Variants in LRRC4C observed in about 807,000 individuals in gnomAD.
LRRC4C encodes the protein leucine-rich repeat-containing protein 4C.
In LRRC4C, 5 loss-of-function variants were observed where a neutral mutation model predicts 33.6. The observed-to-expected ratio is 0.15, with a 90% CI of 0.08 to 0.31. The LOEUF is 0.31. Among genes scored for constraint, LRRC4C ranks in the 10% least tolerant of loss-of-function variants. The probability of loss-of-function intolerance (pLI) is 1.00; values close to 1 mark genes in which losing one functional copy is unlikely to be tolerated. For synonymous variants in LRRC4C, 329 were observed against 302.0 expected (o/e 1.09, Z -0.93); for missense variants, 560 against 796.7 (o/e 0.70, Z 3.58).
chr11:41,394,403 C>T (rs772260752), intron 1 of LRRC4C, among the ~76,000 whole-genome samples: 16 of 151,930 alleles, frequency 1.1e-4, no homozygotes, highest in Non-Finnish European at 1.5e-4. Flanking sequence ...TTTTCAGATG[C>T]GCCTCCCTGC....
chr11:40,263,594 A>G (rs994201519), intron 4 of LRRC4C, among the ~76,000 whole-genome samples: 1 of 152,004 alleles, frequency 6.6e-6, no homozygotes, highest in Admixed American at 6.6e-5. Context: ...GGCTCAAGAG[A>G]TCCTCCCATC....
At chr11:40,881,355 C>T (rs1444755656) in intron 2 of LRRC4C, among the ~76,000 whole-genome samples, 1 of 152,084 alleles carries the variant, frequency 6.6e-6, no homozygotes, top group East Asian at 1.9e-4. Context: ...ACATGTCTTA[C>T]TCATTTCTGA....
intron 3 of LRRC4C, among the ~76,000 whole-genome samples, chr11:40,590,231 T>C (rs1449592372): frequency 6.6e-6 from 1 of 151,930 alleles, no homozygotes; most frequent in Non-Finnish European, 1.5e-5. Context: ...CTTCATTTCA[T>C]CTTCCATTGC....
At position 40,470,735 on chromosome 11, in the gene LRRC4C, C is replaced by T. The variant is rs191078664; in HGVS notation, c.-269-151014G>A. On this transcript the variant is annotated intron_variant, in intron 3 of 6. Transcript: ENST00000528697. Reference sequence around the variant, plus strand: ...AATACAGCACGAGACCTTTGTGAAGCATACAAAAATATGAACAGCCAAATC... The same window carrying T: ...AATACAGCACGAGACCTTTGTGAAGTATACAAAAATATGAACAGCCAAATC... 2.3e-3 allele frequency among the ~76,000 whole-genome samples: 350 copies of T among 152,058 alleles called. 1 individual carries two copies. Among genetic ancestry groups the T allele is most frequent in the African/African-American group, 7.7e-3 (318 of 41,476 alleles).
intron 3 of LRRC4C, among the ~76,000 whole-genome samples, chr11:40,629,151 TATAAG>T (rs1392620859): frequency 3.9e-5 from 6 of 152,322 alleles, no homozygotes; most frequent in African/African-American, 1.2e-4. Flanking sequence ...AATTGGCTCT[TATAAG>T]ATAGTATAAA....
At chr11:40,837,745 G>A (rs1268958987) in intron 2 of LRRC4C, among the ~76,000 whole-genome samples, 1 of 151,568 alleles carries the variant, frequency 6.6e-6, no homozygotes, top group African/African-American at 2.4e-5. Flanking sequence ...AGCTACTGGT[G>A]AGGCTGAAGA....
chr11:41,073,473 A>T (rs1002755382), intron 1 of LRRC4C, among the ~76,000 whole-genome samples: 1 of 152,142 alleles, frequency 6.6e-6, no homozygotes, highest in African/African-American at 2.4e-5. Context: ...AGACCACCAC[A>T]CTGGGGATTA....
intron 2 of LRRC4C, among the ~76,000 whole-genome samples, chr11:40,665,076 A>C (rs115162357): frequency 1.3e-5 from 2 of 151,476 alleles, no homozygotes; most frequent in African/African-American, 4.9e-5. Flanking sequence ...TTTGTCAAGG[A>C]TGACAATTTA....
chr11:40,794,888 G>A (rs1950764401), intron 2 of LRRC4C, among the ~76,000 whole-genome samples: 1 of 152,170 alleles, frequency 6.6e-6, no homozygotes, highest in South Asian at 2.1e-4. Flanking sequence ...TAGGATCAAG[G>A]TTTGGGCAGG....
At chr11:40,602,884 C>G (rs564787041) in intron 3 of LRRC4C, among the ~76,000 whole-genome samples, 1 of 152,162 alleles carries the variant, frequency 6.6e-6, no homozygotes, top group Non-Finnish European at 1.5e-5. Context: ...TTATTTTGGT[C>G]ATTGGCCCAA....
chr11:41,022,428 T>A (rs1028354467), intron 1 of LRRC4C, among the ~76,000 whole-genome samples: 4 of 151,920 alleles, frequency 2.6e-5, no homozygotes, highest in Admixed American at 6.6e-5. Context: ...GCCTTTTACA[T>A]AGAACTTTGA....
intron 1 of LRRC4C, among the ~76,000 whole-genome samples, chr11:41,436,109 C>T (rs1955417570): frequency 6.6e-6 from 1 of 152,118 alleles, no homozygotes; most frequent in African/African-American, 2.4e-5. Context: ...AAGGCTGAGG[C>T]AGGAGAATGG....
intron 1 of LRRC4C, among the ~76,000 whole-genome samples, chr11:41,239,316 T>C (rs11036305): frequency 0.06 from 5,613 of 93,526 alleles, 165 homozygotes; most frequent in South Asian, 0.11. Flanking sequence ...AGCAAGACTC[T>C]GTCTCAAAAA....
intron 1 of LRRC4C, among the ~76,000 whole-genome samples, chr11:41,413,388 T>C (rs189579030): frequency 2.1e-3 from 313 of 152,192 alleles, no homozygotes; most frequent in Non-Finnish European, 3.5e-3. Flanking sequence ...TAATGAAAAG[T>C]GGTTGGAATG....
intron 4 of LRRC4C, among the ~76,000 whole-genome samples, chr11:40,316,551 A>G (rs1016701556): frequency 1.3e-5 from 2 of 152,010 alleles, no homozygotes; most frequent in African/African-American, 4.8e-5. Flanking sequence ...CTGCATGACA[A>G]TGCTTACAGG....
intron 3 of LRRC4C, among the ~76,000 whole-genome samples, chr11:40,353,985 C>G (rs1488657304): frequency 6.6e-6 from 1 of 152,130 alleles, no homozygotes; most frequent in Non-Finnish European, 1.5e-5. Context: ...TTCTACCCAT[C>G]TGTCTTAGAA....
intron 3 of LRRC4C, among the ~76,000 whole-genome samples, chr11:40,345,638 G>A (rs1271539241): frequency 1.3e-5 from 2 of 151,982 alleles, no homozygotes; most frequent in African/African-American, 2.4e-5. Flanking sequence ...TGTAGGACCC[G>A]GCAAAAATTT....
intron 1 of LRRC4C, among the ~76,000 whole-genome samples, chr11:41,226,682 T>C (rs1277866362): frequency 6.6e-6 from 1 of 151,036 alleles, no homozygotes; most frequent in Non-Finnish European, 1.5e-5. Flanking sequence ...TCCTGTATTT[T>C]CACCTCTCCC....
intron 1 of LRRC4C, among the ~76,000 whole-genome samples, chr11:41,428,240 C>T (rs1955112045): frequency 6.6e-6 from 1 of 152,080 alleles, no homozygotes; most frequent in Admixed American, 6.6e-5. Context: ...TGAAAGACAT[C>T]AGAGAATTTT....
Sources: gnomAD v4.1 joint callset for allele counts (sites outside exome capture counted in the v4.1 genomes callset) on GRCh38, gnomAD v4.1.1 for gene constraint, MANE v1.5 for transcripts, NCBI Gene and HGNC (gene_info 2026-07-23, HGNC 2026-07-21) for gene names.